The following SYNPR variants were observed in gnomAD, a reference collection of about 807,000 sequenced individuals.
SYNPR encodes synaptoporin.
SYNPR carries 23 observed loss-of-function variants against 32.9 expected under a neutral mutation model. The ratio of observed to expected loss-of-function variants is 0.70; its 90% CI spans 0.50 to 0.99. SYNPR has a LOEUF of 0.99. Among genes scored for constraint, SYNPR ranks in the 50% least tolerant of loss-of-function variants. SYNPR has a pLI of 0.00. For missense variants in SYNPR, 318 were observed against 349.3 expected (o/e 0.91, Z 0.71); for synonymous variants, 146 against 135.9 (o/e 1.07, Z -0.52).
At chr3:63,541,398 A>G (rs1461273339) in intron 3 of SYNPR, among the ~76,000 whole-genome samples, 2 of 151,946 alleles carry the variant, frequency 1.3e-5, no homozygotes, top group Non-Finnish European at 1.5e-5. Context: ...TCAACCAACC[A>G]CAGTTTCAGA....
rs1480095582 is a variant in SYNPR at position 63,417,674 on chromosome 3, C to A, written c.85-63158C>A. Among the ~76,000 whole-genome samples the A allele has an allele frequency of 2.0e-5, 3 of 152,246 alleles. No homozygotes were observed. In the East Asian group the frequency reaches 5.8e-4, roughly 29 times the overall value. ...AGGTGGAGGTTTCCAAACCCCAATTCTTGACTTCTGTGCACTGGCAGGCTC... is the reference window on the plus strand; with the variant it reads ...AGGTGGAGGTTTCCAAACCCCAATTATTGACTTCTGTGCACTGGCAGGCTC... On this transcript the variant is annotated intron_variant, in intron 2 of 5. Coordinates refer to ENST00000478300, the MANE Select transcript of SYNPR (RefSeq NM_001130003.2).
Position 63,361,163 on chromosome 3 carries a change from A to T in SYNPR, c.84+82421A>T, listed in dbSNP as rs75913095. Among the ~76,000 whole-genome samples the T allele has an allele frequency of 5.3e-5, 8 of 152,322 alleles. No homozygotes were observed. In the East Asian group the frequency reaches 1.5e-3, roughly 29 times the overall value. Reference sequence around the variant, plus strand: ...AAATCTCCAAGAGTCTCAATGGCCTATGCTGGGTTATATGCCCATCTTGAT... The same window carrying T: ...AAATCTCCAAGAGTCTCAATGGCCTTTGCTGGGTTATATGCCCATCTTGAT... On this transcript the variant is annotated intron_variant, in intron 2 of 5. Coordinates refer to ENST00000478300, the MANE Select transcript of SYNPR (RefSeq NM_001130003.2).
the SYNPR span, among the ~76,000 whole-genome samples, chr3:63,208,173 G>C: frequency 6.6e-6 from 1 of 152,150 alleles, no homozygotes; most frequent in Admixed American, 6.5e-5. Context: ...CCATAGTAAA[G>C]AGATGGTTGT....
At chr3:63,352,909 T>A (rs2087528349) in intron 2 of SYNPR, among the ~76,000 whole-genome samples, 1 of 152,152 alleles carries the variant, frequency 6.6e-6, no homozygotes. Context: ...CATGATTCAA[T>A]TACCTCCCAC....
chr3:63,259,210 T>C (rs1456239113), intron 2 of SYNPR, among the ~76,000 whole-genome samples: 2 of 152,190 alleles, frequency 1.3e-5, no homozygotes, highest in African/African-American at 2.4e-5. Context: ...GAATCCTCCC[T>C]AACTCATTTT....
At position 63,612,713 on chromosome 3, in the gene SYNPR, C is replaced by T. The variant is rs1009297282; in HGVS notation, c.601-2511C>T. Among the ~76,000 whole-genome samples, 9 of 152,108 alleles carry T rather than the reference C, an allele frequency of 5.9e-5. No homozygotes were observed. The South Asian group carries it at 1.0e-3, about 18-fold the overall frequency. ...TATGCCCATTGAAATGCCTTGTTTA[C>T]GTTCTTACTTTTAAGTAGCATTTCC... On this transcript the variant is annotated intron_variant, in intron 5 of 5. Transcript: ENST00000478300.
intron 2 of SYNPR, among the ~76,000 whole-genome samples, chr3:63,383,033 G>T (rs2087992826): frequency 6.6e-6 from 1 of 151,940 alleles, no homozygotes; most frequent in Non-Finnish European, 1.5e-5. Flanking sequence ...TTATTTTATG[G>T]AAAGTGTTGT....
intron 2 of SYNPR, among the ~76,000 whole-genome samples, chr3:63,398,268 A>G (rs1049535888): frequency 2.0e-5 from 3 of 152,232 alleles, no homozygotes; most frequent in African/African-American, 7.2e-5. Flanking sequence ...ACTGCCTTAA[A>G]AAAAGGTTAA....
At chr3:63,391,699 T>C (rs1035769184) in intron 2 of SYNPR, among the ~76,000 whole-genome samples, 3 of 152,110 alleles carry the variant, frequency 2.0e-5, no homozygotes, top group African/African-American at 7.2e-5. Context: ...CTCATAAAAA[T>C]GAGAAAATTG....
chr3:63,471,960 T>A (rs1210074160), intron 2 of SYNPR, among the ~76,000 whole-genome samples: 2 of 152,186 alleles, frequency 1.3e-5, no homozygotes, highest in Non-Finnish European at 2.9e-5. Flanking sequence ...CCTACTCACA[T>A]CAGGCTTTTC....
At chr3:63,227,705 G>A (rs1324022232), upstream of SYNPR, among the ~76,000 whole-genome samples, 1 of 152,210 alleles carries the variant, frequency 6.6e-6, no homozygotes, top group African/African-American at 2.4e-5. Context: ...GAGGAAAGGT[G>A]AAGGGTAAAA....
At chr3:63,422,689 G>A (rs751872286) in intron 2 of SYNPR, among the ~76,000 whole-genome samples, 38 of 152,062 alleles carry the variant, frequency 2.5e-4, no homozygotes, top group Non-Finnish European at 4.7e-4. Flanking sequence ...GGGACATAAT[G>A]GAAACACAGT....
chr3:63,379,927 A>C (rs1038515024), intron 2 of SYNPR, among the ~76,000 whole-genome samples: 4 of 151,896 alleles, frequency 2.6e-5, no homozygotes, highest in Non-Finnish European at 4.4e-5. Context: ...TATGAGTGAG[A>C]ACTTGCGGTG....
chr3:63,324,871 G>A (rs1294294017), intron 2 of SYNPR, among the ~76,000 whole-genome samples: 2 of 151,982 alleles, frequency 1.3e-5, no homozygotes, highest in Non-Finnish European at 2.9e-5. Flanking sequence ...TGTTCTACAC[G>A]GACCTCAGGA....
intron 2 of SYNPR, among the ~76,000 whole-genome samples, chr3:63,359,599 T>A (rs1185244099): frequency 1.3e-5 from 2 of 152,162 alleles, no homozygotes; most frequent in Non-Finnish European, 2.9e-5. Context: ...CACTGTGAGG[T>A]CACTTTGAGC....
At chr3:63,483,219 G>T (rs1473818430) in intron 3 of SYNPR, among the ~76,000 whole-genome samples, 6 of 152,158 alleles carry the variant, frequency 3.9e-5, no homozygotes, top group Non-Finnish European at 5.9e-5. Flanking sequence ...ATAAAAGACT[G>T]AAACAAACCT....
upstream of SYNPR, among the ~76,000 whole-genome samples, chr3:63,226,894 T>G (rs994130217): frequency 6.6e-6 from 1 of 152,110 alleles, no homozygotes; most frequent in African/African-American, 2.4e-5. Flanking sequence ...TGATAAATAC[T>G]CAAGATAATG....
At chr3:63,340,352 T>C (rs577222051) in intron 2 of SYNPR, among the ~76,000 whole-genome samples, 16 of 151,996 alleles carry the variant, frequency 1.1e-4, no homozygotes, top group Non-Finnish European at 2.1e-4. Context: ...TAAAGCAAGG[T>C]TGAAAAATTT....
At chr3:63,432,828 T>C (rs1357202745) in intron 2 of SYNPR, among the ~76,000 whole-genome samples, 2 of 152,212 alleles carry the variant, frequency 1.3e-5, no homozygotes, top group African/African-American at 2.4e-5. Flanking sequence ...ATGGTGGCCT[T>C]CTTCATGATC....
Sources: allele counts gnomAD v4.1 joint callset (sites outside exome capture counted in the v4.1 genomes callset), GRCh38; gene constraint gnomAD v4.1.1; transcripts MANE v1.5; gene names NCBI Gene and HGNC (gene_info 2026-07-23, HGNC 2026-07-21).